CNIH3: variants seen among roughly 807,000 people sequenced by gnomAD.
CNIH3 encodes the protein protein cornichon homolog 3.
In CNIH3, 14 loss-of-function variants were observed where a neutral mutation model predicts 24.1. The observed-to-expected ratio is 0.58, with a 90% CI of 0.38 to 0.91. The LOEUF (loss-of-function observed/expected upper bound fraction) is 0.91. CNIH3 is among the 40% of genes least tolerant of loss of function. The probability of loss-of-function intolerance (pLI) is 0.00; values close to 1 mark genes in which losing one functional copy is unlikely to be tolerated. For missense variants in CNIH3, 178 were observed against 196.8 expected, an observed-to-expected ratio of 0.90 and a Z score of 0.57; for synonymous variants, 68 against 73.8, an observed-to-expected ratio of 0.92 and a Z score of 0.40.
Position 224,691,354 on chromosome 1 carries a change from A to G in CNIH3, c.198+6511A>G, listed in dbSNP as rs539295074. ...CAGTTCCTCCTCCTATAAGCAGAGT[A>G]TATTTCCTCTCCCCACTGATACTTG... On this transcript the variant is annotated intron_variant, in intron 3 of 5. Transcript: ENST00000272133. 1.1e-3 allele frequency among the ~76,000 whole-genome samples: 167 copies of G among 152,320 alleles called. 1 individual carries two copies. The Middle Eastern group carries it at 0.037, about 34-fold the overall frequency.
Position 224,583,678 on chromosome 1 carries a change from A to G in CNIH3, n.620+411A>G, listed in dbSNP as rs542425532. ...AACTAACAATGCTGGGGCTCCTACCATTGGAGACTCTGATTCAGTAGGTCT... is the reference window on the plus strand; with the variant it reads ...AACTAACAATGCTGGGGCTCCTACCGTTGGAGACTCTGATTCAGTAGGTCT... On this transcript the variant is annotated intron_variant and non_coding_transcript_variant, in intron 5 of 5. Coordinates refer to the CNIH3 transcript ENST00000471578. 1.0e-3 allele frequency among the ~76,000 whole-genome samples: 154 copies of G among 152,294 alleles called. 1 individual carries two copies. Among genetic ancestry groups the G allele is most frequent in the Non-Finnish European group, 2.5e-4 (17 of 68,014 alleles).
At chr1:224,592,482 T>C (rs191368191), downstream of CNIH3, among the ~76,000 whole-genome samples, 11 of 152,336 alleles carry the variant, frequency 7.2e-5, no homozygotes, top group East Asian at 2.1e-3. Context: ...GGGTTAAACT[T>C]AGTAGCCTCA....
chr1:224,696,570 G>T (rs1687189046), intron 3 of CNIH3, among the ~76,000 whole-genome samples: 1 of 152,202 alleles, frequency 6.6e-6, no homozygotes, highest in Non-Finnish European at 1.5e-5. Flanking sequence ...GCAAGACGAG[G>T]TGTCACAGGT....
intron 3 of CNIH3, among the ~76,000 whole-genome samples, chr1:224,705,549 C>A (rs922304038): frequency 2.6e-5 from 4 of 152,250 alleles, no homozygotes; most frequent in Admixed American, 2.6e-4. Flanking sequence ...CTGGGATCCC[C>A]TGCTCCCATT....
chr1:224,676,037 G>A (rs1686122040), intron 1 of CNIH3, among the ~76,000 whole-genome samples: 1 of 152,222 alleles, frequency 6.6e-6, no homozygotes, highest in Non-Finnish European at 1.5e-5. Flanking sequence ...AAAAGGCCTT[G>A]TGTAGATGTT....
At chr1:224,630,523 C>T (rs1683767354) in intron 1 of CNIH3, among the ~76,000 whole-genome samples, 1 of 152,138 alleles carries the variant, frequency 6.6e-6, no homozygotes, top group African/African-American at 2.4e-5. Flanking sequence ...ACCACCGCAA[C>T]AAAAAATTCC....
chr1:224,739,295 CTTTT>C (rs11342205), intron 5 of CNIH3, 30 bp from the exon 6 acceptor site: 32,759 of 1,260,392 alleles, frequency 0.026, 1 homozygote, highest in East Asian at 0.052. Context: ...ACCTTCCTCT[CTTTT>C]TTTTTTTTTT....
chr1:224,530,219 C>T (rs1368872617), intron 2 of CNIH3, among the ~76,000 whole-genome samples: 2 of 152,174 alleles, frequency 1.3e-5, no homozygotes, highest in Non-Finnish European at 2.9e-5. Context: ...GCTGTAAAAT[C>T]TTGTTTGTGT....
intron 3 of CNIH3, among the ~76,000 whole-genome samples, chr1:224,553,297 C>A (rs969194163): frequency 6.6e-6 from 1 of 151,704 alleles, no homozygotes; most frequent in Admixed American, 6.6e-5. Context: ...AGGGTGTACA[C>A]CCCCTGTGAT....
intron 3 of CNIH3, among the ~76,000 whole-genome samples, chr1:224,695,805 G>A (rs1022632799): frequency 7.9e-5 from 12 of 152,198 alleles, no homozygotes; most frequent in Admixed American, 2.6e-4. Context: ...TGCATTCATC[G>A]GCAGAGGCAG....
intron 5 of CNIH3, among the ~76,000 whole-genome samples, chr1:224,586,747 A>G (rs1681526110): frequency 6.6e-6 from 1 of 152,210 alleles, no homozygotes; most frequent in Non-Finnish European, 1.5e-5. Context: ...ATCATCCTGG[A>G]TTCAGGGTAG....
At chr1:224,463,773 ATTTTTTTTTTTTTTTTT>A (rs56137320) in intron 1 of CNIH3, among the ~76,000 whole-genome samples, 19 of 20,732 alleles carry the variant, frequency 9.2e-4, no homozygotes, top group South Asian at 5.3e-3. Context: ...AATTGTCCTC[ATTTTTTTTTTTTTTTTT>A]TTTTTTTTTT....
intron 2 of CNIH3, among the ~76,000 whole-genome samples, chr1:224,527,128 G>A (rs1393662645): frequency 1.3e-5 from 2 of 152,150 alleles, no homozygotes; most frequent in African/African-American, 2.4e-5. Context: ...CTTGATGAGC[G>A]TGAGTGCTCA....
At chr1:224,579,740 A>C (rs763895683) in intron 4 of CNIH3, among the ~76,000 whole-genome samples, 7 of 152,120 alleles carry the variant, frequency 4.6e-5, no homozygotes, top group Non-Finnish European at 7.4e-5. Flanking sequence ...TGGTTGTTAA[A>C]AAGAGCCTGG....
chr1:224,438,310 G>A (rs1674756081), intron 1 of CNIH3, among the ~76,000 whole-genome samples: 1 of 151,046 alleles, frequency 6.6e-6, no homozygotes, highest in Admixed American at 6.6e-5. Context: ...CTCCCGTCTT[G>A]GCCTCCCAAA....
intron 3 of CNIH3, among the ~76,000 whole-genome samples, chr1:224,715,347 G>T (rs931223949): frequency 6.6e-6 from 1 of 152,056 alleles, no homozygotes; most frequent in African/African-American, 2.4e-5. Flanking sequence ...TTCCTTGAAG[G>T]TTGGTGACCG....
intron 1 of CNIH3, among the ~76,000 whole-genome samples, chr1:224,662,466 G>A (rs1267831197): frequency 6.6e-6 from 1 of 152,044 alleles, no homozygotes; most frequent in East Asian, 1.9e-4. Flanking sequence ...AGATCATTTT[G>A]TTTTGGCTGG....
intron 2 of CNIH3, chr1:224,521,469 T>A (rs1385955207): frequency 6.6e-6 from 1 of 152,152 alleles, no homozygotes; most frequent in African/African-American, 2.4e-5. Flanking sequence ...AAACACACAC[T>A]GGGTTTTCTT....
chr1:224,646,407 G>A (rs1168575963), intron 1 of CNIH3, among the ~76,000 whole-genome samples: 1 of 152,156 alleles, frequency 6.6e-6, no homozygotes, highest in Non-Finnish European at 1.5e-5. Flanking sequence ...TTGTTTGTTT[G>A]TTTTTGTTTT....
Sources: allele counts gnomAD v4.1 joint callset (sites outside exome capture counted in the v4.1 genomes callset), GRCh38; gene constraint gnomAD v4.1.1; transcripts MANE v1.5; gene names NCBI Gene and HGNC (gene_info 2026-07-23, HGNC 2026-07-21).